Variants in XKR6 observed in about 807,000 individuals in gnomAD.
XKR6 encodes the protein XK-related protein 6.
A neutral mutation model predicts 56.7 loss-of-function variants in XKR6; 22 were observed. That is an observed-to-expected ratio of 0.39 (90% confidence interval 0.28 to 0.55). XKR6 has a LOEUF of 0.55. Among genes scored for constraint, XKR6 ranks in the 20% least tolerant of loss-of-function variants. The probability of loss-of-function intolerance (pLI) is 0.66; values close to 1 mark genes in which losing one functional copy is unlikely to be tolerated. For missense variants in XKR6, 852 were observed against 889.0 expected (o/e 0.96, Z 0.53); for synonymous variants, 524 against 387.8 (o/e 1.35, Z -4.13).
intron 1 of XKR6, among the ~76,000 whole-genome samples, chr8:11,178,593 A>G (rs1003471679): frequency 1.6e-5 from 2 of 127,286 alleles, no homozygotes; most frequent in Non-Finnish European, 3.4e-5. Context: ...TATGTACTAC[A>G]CACACACACA....
chr8:11,041,932 CAT>C (rs1201779561), intron 1 of XKR6, among the ~76,000 whole-genome samples: 1 of 152,214 alleles, frequency 6.6e-6, no homozygotes, highest in Admixed American at 6.5e-5. Flanking sequence ...AAACCACACA[CAT>C]GTATACACAC....
intron 1 of XKR6, chr8:11,104,936 G>C (rs1267895099): frequency 2.0e-5 from 3 of 152,194 alleles, no homozygotes; most frequent in African/African-American, 7.2e-5. Context: ...TCCAGAAAGA[G>C]TTCTCAGTCA....
intron 1 of XKR6, among the ~76,000 whole-genome samples, chr8:11,174,857 C>T (rs1349525831): frequency 6.6e-6 from 1 of 152,216 alleles, no homozygotes; most frequent in Non-Finnish European, 1.5e-5. Flanking sequence ...TTCACCTTTT[C>T]AAATGCCCCA....
intron 1 of XKR6, among the ~76,000 whole-genome samples, chr8:10,946,107 A>G (rs4841462): frequency 0.077 from 11,741 of 152,002 alleles, 508 homozygotes; most frequent in Middle Eastern, 0.19. Context: ...AATTAGAGCT[A>G]AAGACCTCCT....
intron 1 of XKR6, among the ~76,000 whole-genome samples, chr8:11,008,587 A>T (rs183617513): frequency 7.2e-5 from 11 of 151,856 alleles, no homozygotes; most frequent in Admixed American, 4.6e-4. Context: ...TGCCTGGCTA[A>T]TTTTTTCTTT....
At chr8:11,039,871 C>T (rs997185565) in intron 1 of XKR6, among the ~76,000 whole-genome samples, 3 of 152,230 alleles carry the variant, frequency 2.0e-5, no homozygotes, top group African/African-American at 4.8e-5. Context: ...CAGCTGCTCT[C>T]CAAAGAGCAA....
chr8:10,999,971 C>T (rs1332169130), intron 1 of XKR6, among the ~76,000 whole-genome samples: 1 of 152,188 alleles, frequency 6.6e-6, no homozygotes, highest in Non-Finnish European at 1.5e-5. Context: ...TCACGGTCTC[C>T]ATATGACTTC....
At chr8:11,116,177 C>G (rs958433226) in intron 1 of XKR6, among the ~76,000 whole-genome samples, 15 of 152,298 alleles carry the variant, frequency 9.8e-5, no homozygotes, top group South Asian at 8.3e-4. Context: ...AGCAGTGAAA[C>G]CCGTCCTCCT....
At chr8:11,009,432 G>A (rs1172833308) in intron 1 of XKR6, among the ~76,000 whole-genome samples, 1 of 152,144 alleles carries the variant, frequency 6.6e-6, no homozygotes, top group Non-Finnish European at 1.5e-5. Flanking sequence ...GATCACCTGA[G>A]CCTGGGGAAG....
intron 1 of XKR6, among the ~76,000 whole-genome samples, chr8:10,986,001 GA>G (rs1173851022): frequency 6.6e-6 from 1 of 152,206 alleles, no homozygotes; most frequent in Non-Finnish European, 1.5e-5. Context: ...AAAAATATAG[GA>G]GAGAAGGAGA....
At chr8:11,002,818 C>G (rs1452484468) in intron 1 of XKR6, among the ~76,000 whole-genome samples, 3 of 152,230 alleles carry the variant, frequency 2.0e-5, no homozygotes, top group Non-Finnish European at 2.9e-5. Flanking sequence ...AGTCTCCCTC[C>G]TCAGGTGCTG....
At chr8:11,134,578 G>C in intron 1 of XKR6, among the ~76,000 whole-genome samples, 1 of 152,090 alleles carries the variant, frequency 6.6e-6, no homozygotes, top group East Asian at 1.9e-4. Flanking sequence ...CTGAAACACA[G>C]AAGACTTACA....
chr8:10,982,875 T>G (rs1241638251), intron 1 of XKR6, among the ~76,000 whole-genome samples: 2 of 152,200 alleles, frequency 1.3e-5, no homozygotes, highest in African/African-American at 4.8e-5. Flanking sequence ...GAGGATAGGC[T>G]GAACCAAGGG....
intron 1 of XKR6, among the ~76,000 whole-genome samples, chr8:11,129,816 T>A (rs1340404351): frequency 6.6e-6 from 1 of 151,580 alleles, no homozygotes; most frequent in Non-Finnish European, 1.5e-5. Context: ...CTTTAAAGCA[T>A]AATCCTTTCC....
intron 1 of XKR6, among the ~76,000 whole-genome samples, chr8:11,110,747 T>G (rs1263036598): frequency 6.6e-6 from 1 of 152,184 alleles, no homozygotes; most frequent in East Asian, 1.9e-4. Flanking sequence ...AAATTCTCAT[T>G]CATTCCAATG....
chr8:11,156,167 T>G (rs1801509485), intron 1 of XKR6, among the ~76,000 whole-genome samples: 2 of 152,200 alleles, frequency 1.3e-5, no homozygotes, highest in Non-Finnish European at 2.9e-5. Context: ...CCTCTTCACC[T>G]TTTACTGTGG....
chr8:11,099,914 A>T (rs1212889962), intron 1 of XKR6, among the ~76,000 whole-genome samples: 1 of 152,226 alleles, frequency 6.6e-6, no homozygotes, highest in Non-Finnish European at 1.5e-5. Flanking sequence ...CCATAAGCAC[A>T]TGGGGAGGAG....
chr8:11,088,069 A>G lies in XKR6; in HGVS notation c.764+112507T>C, dbSNP rs892923821. ...GGAAGAAAGGGATGCAAACAAGATA[A>G]GTAGCTTCAAGAATTCAGATGGCTG... is the stretch of plus-strand genomic sequence containing the variant. On this transcript the variant is annotated intron_variant, in intron 1 of 2. Transcript: ENST00000416569. Among the ~76,000 whole-genome samples the G allele has an allele frequency of 2.2e-4, 34 of 152,254 alleles. 2 individuals carry two copies. Among genetic ancestry groups the G allele is most frequent in the Admixed American group, 2.1e-3 (32 of 15,286 alleles).
intron 1 of XKR6, among the ~76,000 whole-genome samples, chr8:11,117,488 C>T (rs1799237943): frequency 2.0e-5 from 3 of 152,284 alleles, no homozygotes; most frequent in Middle Eastern, 3.4e-3. Context: ...GTGGAGACAG[C>T]GGCTGGCCAT....
Sources: gnomAD v4.1 joint callset for allele counts (sites outside exome capture counted in the v4.1 genomes callset) on GRCh38, gnomAD v4.1.1 for gene constraint, MANE v1.5 for transcripts, NCBI Gene and HGNC (gene_info 2026-07-23, HGNC 2026-07-21) for gene names.